VLDLR: variants seen among roughly 807,000 people sequenced by gnomAD.
VLDLR encodes very low density lipoprotein receptor.
Under a neutral mutation model 112.7 loss-of-function variants are expected in VLDLR, and 81 were observed. That is an observed-to-expected ratio of 0.72 (90% CI 0.60 to 0.86). The LOEUF (loss-of-function observed/expected upper bound fraction) is 0.86. Among genes scored for constraint, VLDLR ranks in the 40% least tolerant of loss-of-function variants. VLDLR has a pLI of 0.00. For synonymous variants in VLDLR, 436 were observed against 384.8 expected (o/e 1.13, Z -1.56); for missense variants, 1,237 against 1,099.4 (o/e 1.13, Z -1.77).
At position 2,647,597 on chromosome 9, in the gene VLDLR, G is replaced by C. The variant is rs748669066; in HGVS notation, c.1822+5G>C. 6.2e-7 allele frequency: 1 copy of C among 1,609,926 alleles called. No homozygotes were observed. The highest frequency in any genetic ancestry group is 1.1e-5 in the South Asian group (1 of 91,002). ...GGCCTAACGGAATTACACTTGGTAT[G>C]TATGTTCTTCCTTCTCGACCACCCA... On this transcript the variant is annotated splice_donor_5th_base_variant and intron_variant, in intron 12 of 18. Transcript: ENST00000382100.
At chr9:2,635,364 C>G in intron 1 of VLDLR, 89 bp from the exon 2 acceptor site, 1 of 1,599,738 alleles carries the variant, frequency 6.3e-7, no homozygotes, top group Non-Finnish European at 8.6e-7. Flanking sequence ...TCTGCAGTAT[C>G]CTTCTGAGAA....
intron 4 of VLDLR, 132 bp from the exon 5 acceptor site, chr9:2,643,028 C>G: frequency 7.3e-7 from 1 of 1,366,504 alleles, no homozygotes; most frequent in South Asian, 1.3e-5. Flanking sequence ...TGATTTAACT[C>G]CATTGTAGCC....
intron 1 of VLDLR, among the ~76,000 whole-genome samples, chr9:2,633,049 A>AGTGTGTGTGTGTGTGTGT (rs1258054088): frequency 4.1e-4 from 44 of 107,080 alleles, no homozygotes; most frequent in African/African-American, 1.5e-3. Flanking sequence ...AGAGAGAGAG[A>AGTGTGTGTGTGTGTGTGT]GAGTGTGTGT....
chr9:2,637,986 A>C (rs1005012831), intron 2 of VLDLR, among the ~76,000 whole-genome samples: 2 of 152,028 alleles, frequency 1.3e-5, no homozygotes, highest in Non-Finnish European at 2.9e-5. Context: ...CAATCAATCA[A>C]TCATGGGGTC....
At chr9:2,631,684 A>G (rs73640144) in intron 1 of VLDLR, among the ~76,000 whole-genome samples, 1,404 of 126,300 alleles carry the variant, frequency 0.011, 21 homozygotes, top group African/African-American at 0.039. Flanking sequence ...GAGCAGATGA[A>G]AGGAAGTGGG....
At chr9:2,632,409 A>C (rs918882206) in intron 1 of VLDLR, among the ~76,000 whole-genome samples, 4 of 152,206 alleles carry the variant, frequency 2.6e-5, no homozygotes, top group African/African-American at 9.6e-5. Flanking sequence ...TTCTACTTCC[A>C]AGGTATTTTT....
chr9:2,652,342 G>C (rs777317956), intron 17 of VLDLR, among the ~76,000 whole-genome samples: 2 of 152,134 alleles, frequency 1.3e-5, no homozygotes, highest in African/African-American at 2.4e-5. Flanking sequence ...GACTTGTTGA[G>C]GATAAATTAA....
intron 1 of VLDLR, among the ~76,000 whole-genome samples, chr9:2,633,439 T>C (rs1586640519): frequency 6.6e-6 from 1 of 152,286 alleles, no homozygotes; most frequent in East Asian, 1.9e-4. Flanking sequence ...TTCAAACTCA[T>C]TCTTAAGGAG....
chr9:2,625,451 T>C (rs1386901258), intron 1 of VLDLR, among the ~76,000 whole-genome samples: 1 of 152,222 alleles, frequency 6.6e-6, no homozygotes, highest in African/African-American at 2.4e-5. Context: ...GGGAAAAGTG[T>C]TTAAGACAAG....
intron 16 of VLDLR, 67 bp from the exon 17 acceptor site, chr9:2,651,807 C>G (rs1409778796): frequency 1.3e-6 from 2 of 1,583,142 alleles, no homozygotes; most frequent in Non-Finnish European, 1.7e-6. Context: ...TGGCTCCTTA[C>G]CTGATGGGTA....
Position 2,653,986 on chromosome 9 carries a change from AC to A in VLDLR, c.*120del. On this transcript the variant is annotated 3_prime_UTR_variant, in exon 19 of 19. Transcript: ENST00000382100. ...CTCTCGGCTGGAAGAACATCAAGAT[AC>A]CTTTGCGTGGATCAAGCTTGTGTAC... The A allele has an allele frequency of 9.6e-7, 1 of 1,036,976 alleles. No individual in the cohort carries two copies. The allele number at this position is 1,036,976 out of a possible 1,614,324, so 64.2% of individuals were successfully genotyped here.
At chr9:2,649,996 G>A (rs1818248904) in intron 14 of VLDLR, among the ~76,000 whole-genome samples, 1 of 152,130 alleles carries the variant, frequency 6.6e-6, no homozygotes, top group Admixed American at 6.5e-5. Context: ...CTTTGTTGGA[G>A]CAAGTCAAGA....
intron 2 of VLDLR, among the ~76,000 whole-genome samples, chr9:2,638,176 C>G (rs1309392672): frequency 1.3e-5 from 2 of 152,186 alleles, no homozygotes; most frequent in Non-Finnish European, 2.9e-5. Flanking sequence ...ATTTTAGAAA[C>G]AGGCATGAAT....
chr9:2,622,844 G>T (rs1816888194), intron 1 of VLDLR, among the ~76,000 whole-genome samples: 1 of 152,100 alleles, frequency 6.6e-6, no homozygotes, highest in Non-Finnish European at 1.5e-5. Context: ...GGAGCCGAGG[G>T]CACCCGGACT....
chr9:2,645,042 C>A lies in VLDLR; in HGVS notation c.1272C>A (p.Gly424=). The change falls in exon 9 of 19, where the codon GGC becomes GGA. Residue 424 remains glycine, a synonymous_variant. Transcript: ENST00000382100. The part of the protein sequence containing the change: ...KGGYKCECSR[G]YQMDLATGVC... ...GTTACAAGTGTGAATGTAGTCGTGG[C>A]TATCAAATGGATCTTGCTACTGGCG... 6.2e-7 allele frequency: 1 copy of A among 1,614,204 alleles called. No homozygotes were observed. The highest frequency in any genetic ancestry group is 8.5e-7 in the Non-Finnish European group (1 of 1,180,038).
chr9:2,628,310 A>G (rs1817185700), intron 1 of VLDLR, among the ~76,000 whole-genome samples: 1 of 152,176 alleles, frequency 6.6e-6, no homozygotes, highest in South Asian at 2.1e-4. Context: ...GCCTCATTCA[A>G]GAATACAATC....
rs34745933 is a variant in VLDLR, at chr9:2,653,719, C to T, written c.2587-114C>T. 2.5e-3 allele frequency: 2,678 copies of T among 1,089,340 alleles called. 50 individuals are homozygous for T. The African/African-American group carries it at 0.037, about 15-fold the overall frequency. The allele number at this position is 1,089,340 out of a possible 1,614,324, so 67.5% of individuals were successfully genotyped here. A position where few individuals can be genotyped will look rare whatever the true frequency, so the allele number is the denominator to read the frequency against. On this transcript the variant is annotated intron_variant, in intron 18 of 18. Coordinates refer to ENST00000382100, the MANE Select transcript of VLDLR (RefSeq NM_003383.5). ...CTTTTGTATCTGACTGACTTTTCTTCTAAGCACTCTGAGTGTTTGAATGAC... is the reference window on the plus strand; with the variant it reads ...CTTTTGTATCTGACTGACTTTTCTTTTAAGCACTCTGAGTGTTTGAATGAC...
rs1340571870 is a variant in VLDLR, at chr9:2,622,070, C to T, written c.-120C>T. ...CTTCCCCCGCCAACTCCTTCCCCTC[C>T]TTCTCCCCCTTTCCCCTCCCCGCCC... On this transcript the variant is annotated 5_prime_UTR_variant, in exon 1 of 19. Coordinates refer to ENST00000382100, the MANE Select transcript of VLDLR (RefSeq NM_003383.5). 18 of 1,000,842 alleles carry T rather than the reference C, an allele frequency of 1.8e-5. No individual in the cohort carries two copies. Among genetic ancestry groups the T allele is most frequent in the African/African-American group, 1.7e-5 (1 of 58,814 alleles). 62.0% of individuals were successfully genotyped at this position (1,000,842 alleles called of 1,614,324 possible). A position where few individuals can be genotyped will look rare whatever the true frequency, so the allele number is the denominator to read the frequency against.
At chr9:2,652,589 C>G (rs35075133) in intron 17 of VLDLR, among the ~76,000 whole-genome samples, 191 bp from the exon 18 acceptor site, 1 of 152,054 alleles carries the variant, frequency 6.6e-6, no homozygotes, top group African/African-American at 2.4e-5. Context: ...CTCCAGTGCA[C>G]AGAGCTACCT....
Sources: allele counts gnomAD v4.1 joint callset (sites outside exome capture counted in the v4.1 genomes callset), GRCh38; gene constraint gnomAD v4.1.1; transcripts MANE v1.5; gene names NCBI Gene and HGNC (gene_info 2026-07-23, HGNC 2026-07-21).